The following ADRM1 variants were observed in gnomAD, a reference collection of about 807,000 sequenced individuals.
ADRM1 encodes the protein ADRM1 26S proteasome ubiquitin receptor.
ADRM1 carries 2 observed loss-of-function variants against 40.1 expected under a neutral mutation model. That is an observed-to-expected ratio of 0.05 (90% confidence interval 0.02 to 0.16). The LOEUF is 0.16. Among genes scored for constraint, ADRM1 ranks in the 10% least tolerant of loss-of-function variants. The pLI is 1.00. For synonymous variants in ADRM1, 287 were observed against 240.4 expected, an observed-to-expected ratio of 1.19 and a Z score of -1.79; for missense variants, 467 against 552.5, an observed-to-expected ratio of 0.85 and a Z score of 1.55.
Position 62,307,902 on chromosome 20 carries a change from G to GC in ADRM1, c.856+75dup, listed in dbSNP as rs1985360496. On this transcript the variant is annotated intron_variant, in intron 7 of 9. Transcript: ENST00000253003. ...GACCCTCGCACGCTCACCTTCCAAG[G>GC]CATCTGCCTAGTGTGCGCGCCTGGG... 6.4e-6 allele frequency: 10 copies of GC among 1,551,450 alleles called. No homozygotes were observed. In the South Asian group the frequency reaches 9.4e-5, roughly 15 times the overall value.
chr20:62,303,898 A>T lies in ADRM1; in HGVS notation c.213+117A>T, dbSNP rs781501710. ...TCTGGGGACCGCTCGTGGGGCCGTC[A>T]TCGACTGCCCTGCTGATGGGTCGTC... On this transcript the variant is annotated intron_variant, in intron 2 of 9. Coordinates refer to ENST00000253003, the MANE Select transcript of ADRM1 (RefSeq NM_007002.4). The T allele has an allele frequency of 1.4e-5, 14 of 990,478 alleles. 1 individual carries two copies. In the South Asian group the frequency reaches 2.1e-4, roughly 15 times the overall value. 61.4% of individuals were successfully genotyped at this position (990,478 alleles called of 1,614,324 possible).
At chr20:62,306,078 C>G (rs1984906221) in intron 3 of ADRM1, 119 bp from the exon 4 acceptor site, 6 of 1,385,754 alleles carry the variant, frequency 4.3e-6, no homozygotes, top group Non-Finnish European at 5.8e-6. Flanking sequence ...ATTGTGTGGC[C>G]AGGCACACGC....
At chr20:62,303,451 T>G in intron 1 of ADRM1, 117 bp from the exon 2 acceptor site, 3 of 1,041,938 alleles carry the variant, frequency 2.9e-6, no homozygotes, top group Non-Finnish European at 4.2e-6. Context: ...TGTCTGAGTC[T>G]GCCTTAGGCA....
chr20:62,304,505 G>T lies in ADRM1; in HGVS notation c.258G>T (p.Pro86=). The change falls in exon 3 of 10, where the codon CCG becomes CCT. Residue 86 remains proline (P), a synonymous_variant. Transcript: ENST00000253003. ...FPDDCEFKRV[P]QCPSGRVYVL... is the part of the protein sequence containing the mutation. ...ACGACTGTGAGTTCAAGCGGGTGCC[G>T]CAGTGCCCCAGCGGGAGGGTCTACG... 6.2e-7 allele frequency: 1 copy of T among 1,613,920 alleles called. No homozygotes were observed. The highest frequency in any genetic ancestry group is 8.5e-7 in the Non-Finnish European group (1 of 1,179,938).
chr20:62,306,977 C>T (rs868283913), intron 5 of ADRM1, among the ~76,000 whole-genome samples: 3 of 152,112 alleles, frequency 2.0e-5, no homozygotes, highest in Non-Finnish European at 2.9e-5. Flanking sequence ...GCTGGCCGAG[C>T]GGTGGGGCTG....
chr20:62,308,597 T>C (rs1227915273), intron 9 of ADRM1, 58 bp from the exon 10 acceptor site: 35 of 1,600,170 alleles, frequency 2.2e-5, no homozygotes, highest in Admixed American at 6.9e-5. Context: ...TCCCATCGCT[T>C]TGATCCCCAG....
rs572990970 is a variant in ADRM1 at position 62,307,677 on chromosome 20, A to G, written c.705A>G (p.Ala235=). Residue 235 remains alanine, a synonymous_variant, in exon 7 of 10, where the codon GCA becomes GCG. Coordinates refer to ENST00000253003, the MANE Select transcript of ADRM1 (RefSeq NM_007002.4). Reference sequence around the variant, plus strand: ...CCACCCCAGCCCCTTCTGCTCCAGCAGCTGCCTCAGCAACTAGCCCGAGCC... The same window carrying G: ...CCACCCCAGCCCCTTCTGCTCCAGCGGCTGCCTCAGCAACTAGCCCGAGCC... ...TRATPAPSAP[A]AASATSPSPA... 127 of 1,612,210 alleles carry G rather than the reference A, an allele frequency of 7.9e-5. 7 individuals carry two copies. In the South Asian group the frequency reaches 1.3e-3, roughly 17 times the overall value.
chr20:62,306,069 T>G, intron 3 of ADRM1, 128 bp from the exon 4 acceptor site: 7 of 1,295,450 alleles, frequency 5.4e-6, no homozygotes, highest in Non-Finnish European at 6.3e-6. Context: ...CTCCTCAGCA[T>G]TGTGTGGCCA....
intron 3 of ADRM1, among the ~76,000 whole-genome samples, chr20:62,305,085 C>T (rs1197185304): frequency 6.6e-6 from 1 of 152,248 alleles, no homozygotes; most frequent in Non-Finnish European, 1.5e-5. Context: ...GCTGCTCATT[C>T]TGCCATCTGT....
At chr20:62,305,961 A>G (rs1383159310) in intron 3 of ADRM1, 2 of 530,286 alleles carry the variant, frequency 3.8e-6, no homozygotes, top group Non-Finnish European at 3.4e-6. Flanking sequence ...GGAGGGGGAC[A>G]GGGCACACCC....
Position 62,308,365 on chromosome 20 carries a change from C to T in ADRM1, c.1015-3C>T, listed in dbSNP as rs1204647374. 1 of 1,596,338 alleles carries T rather than the reference C, an allele frequency of 6.3e-7. No individual in the cohort carries two copies. The highest frequency in any genetic ancestry group is 1.7e-5 in the Admixed American group (1 of 57,804). ...CTCAGCCCTCGCCTGGCTCTTCTTG[C>T]AGGCCCTGGGCATGTTCAGCGCAGC... On this transcript the variant is annotated splice_polypyrimidine_tract_variant and splice_region_variant and intron_variant, in intron 8 of 9. Transcript: ENST00000253003.
Position 62,306,392 on chromosome 20 carries a change from C to T in ADRM1, c.454+72C>T, listed in dbSNP as rs753511107. 19 of 1,607,262 alleles carry T rather than the reference C, an allele frequency of 1.2e-5. No individual in the cohort carries two copies. The East Asian group carries it at 2.7e-4, about 23-fold the overall frequency. ...AGAGTCTACTGTGGATGACTCGCCC[C>T]CTCAGCACAGGTTGTTTGGAAGTGG... On this transcript the variant is annotated intron_variant, in intron 4 of 9. Coordinates refer to ENST00000253003, the MANE Select transcript of ADRM1 (RefSeq NM_007002.4).
rs148577549 is a variant in ADRM1 at position 62,307,843 on chromosome 20, C to A, written c.856+15C>A. 1 of 1,588,374 alleles carries A rather than the reference C, an allele frequency of 6.3e-7. No individual in the cohort carries two copies. Among genetic ancestry groups the A allele is most frequent in the Non-Finnish European group, 8.6e-7 (1 of 1,168,168 alleles). On this transcript the variant is annotated intron_variant, in intron 7 of 9. Coordinates refer to ENST00000253003, the MANE Select transcript of ADRM1 (RefSeq NM_007002.4). The stretch of plus-strand genomic sequence containing the variant: ...CGGCCAGCAAGGTAACGTGTGCTGT[C>A]GCCTGGAGCTGGGTGGGGGGCATGG...
intron 2 of ADRM1, chr20:62,304,257 C>T (rs547479372): frequency 1.7e-6 from 1 of 574,684 alleles, no homozygotes; most frequent in African/African-American, 1.9e-5. Flanking sequence ...CCTTTCCCTG[C>T]TCTCTCCCCC....
chr20:62,308,784 A>C lies in ADRM1; in HGVS notation c.*23A>C, dbSNP rs1985599536. 1.2e-6 allele frequency: 2 copies of C among 1,611,674 alleles called. No homozygotes were observed. The highest frequency in any genetic ancestry group is 3.3e-5 in the Admixed American group (2 of 59,780). On this transcript the variant is annotated 3_prime_UTR_variant, in exon 10 of 10. Transcript: ENST00000253003. The stretch of plus-strand genomic sequence containing the variant: ...TGAGCCACGCGCCGTCCTCCGAGGA[A>C]CTGGGCGCTTGCAGTGCGTTGCACA...
intron 8 of ADRM1, 80 bp downstream of exon 8, chr20:62,308,258 C>A: frequency 6.5e-7 from 1 of 1,539,296 alleles, no homozygotes; most frequent in South Asian, 1.2e-5. Flanking sequence ...GCCCCACCTT[C>A]ACCATGGCCA....
intron 4 of ADRM1, 46 bp downstream of exon 4, chr20:62,306,366 C>T: frequency 3.1e-6 from 5 of 1,611,874 alleles, no homozygotes; most frequent in East Asian, 2.2e-5. Context: ...CCTGGGAGGC[C>T]AGAGTCTACT....
At position 62,307,605 on chromosome 20, in the gene ADRM1, C is replaced by T. The variant is rs1251127810; in HGVS notation, c.633C>T (p.Ser211=). The change falls in exon 7 of 10, where the codon AGC becomes AGT. Residue 211 remains serine, a synonymous_variant. Transcript: ENST00000253003. ...CCCTCTCTCTTCGCAGCTCCCGGAG[C>T]CAGTCGGCAGCGGTCACCCCGTCAT... The part of the protein sequence containing the change: ...PGSSSSSSSR[S]QSAAVTPSST... The T allele has an allele frequency of 6.2e-7, 1 of 1,611,012 alleles. No individual in the cohort carries two copies.
rs1489453382 is a variant in ADRM1, at chr20:62,308,726, A to G, written c.1189A>G (p.Lys397Glu). The G allele has an allele frequency of 1.9e-6, 3 of 1,612,938 alleles. No individual in the cohort carries two copies. Among genetic ancestry groups the G allele is most frequent in the Non-Finnish European group, 8.5e-7 (1 of 1,179,992 alleles). ...PEQKEGDTKD[K>E]KDEEEDMSLD ...GCAGAAAGAGGGCGACACGAAGGAC[A>G]AGAAGGACGAAGAGGAGGACATGAG... Residue 397 changes from lysine (K) to glutamate (E), a missense_variant, in exon 10 of 10, where the codon AAG becomes GAG. Lys to Glu is a moderately conservative substitution (Grantham distance 56). Transcript: ENST00000253003.
Sources: allele counts gnomAD v4.1 joint callset (sites outside exome capture counted in the v4.1 genomes callset), GRCh38; gene constraint gnomAD v4.1.1; transcripts MANE v1.5; gene names NCBI Gene and HGNC (gene_info 2026-07-23, HGNC 2026-07-21).